ZFHX3: variants seen among roughly 807,000 people sequenced by gnomAD.
ZFHX3 encodes zinc finger homeobox 3.
ZFHX3 carries 42 observed loss-of-function variants against 279.1 expected under a neutral mutation model. The ratio of observed to expected loss-of-function variants is 0.15; its 90% CI spans 0.12 to 0.19. The LOEUF (loss-of-function observed/expected upper bound fraction) is 0.19. ZFHX3 is among the 10% of genes least tolerant of loss of function. The probability of loss-of-function intolerance (pLI) is 1.00; values close to 1 mark genes in which losing one functional copy is unlikely to be tolerated. For synonymous variants in ZFHX3, 2,293 were observed against 1,957.8 expected, an observed-to-expected ratio of 1.17 and a Z score of -4.52; for missense variants, 4,981 against 4,754.0, an observed-to-expected ratio of 1.05 and a Z score of -1.40.
rs751808414 is a variant in ZFHX3, at chr16:72,797,180, A to T, written c.5502T>A (p.Asp1834Glu). The change falls in exon 9 of 10, where the codon GAT (aspartate) becomes GAA (glutamate). Residue 1834 changes from aspartate (D) to glutamate (E), a missense_variant. Asp to Glu is a conservative substitution (Grantham distance 45). Transcript: ENST00000268489. ...GTGGGACCTGAACCTGAGCCTTCAG[A>T]TCTTCCAGCAGGCCTGGGCCTGTCC... ...LTGTGPGLLE[D>E]LKAQVQVPQQ... The T allele has an allele frequency of 1.1e-5, 18 of 1,613,772 alleles. No individual in the cohort carries two copies. The highest frequency in any genetic ancestry group is 1.5e-5 in the Non-Finnish European group (18 of 1,179,998).
At chr16:73,162,539 G>A (rs552437577) in intron 5 of ZFHX3, among the ~76,000 whole-genome samples, 2 of 152,246 alleles carry the variant, frequency 1.3e-5, no homozygotes, top group East Asian at 1.9e-4. Context: ...CTACGTGATG[G>A]TGAGCTGTAG....
At chr16:73,617,438 C>T (rs930186420) in intron 2 of ZFHX3, among the ~76,000 whole-genome samples, 5 of 152,152 alleles carry the variant, frequency 3.3e-5, no homozygotes, top group Non-Finnish European at 7.4e-5. Flanking sequence ...TATTTGTATA[C>T]TAAATAGGTA....
At position 73,404,511 on chromosome 16, in the gene ZFHX3, C is replaced by T. The variant is rs541026317; in HGVS notation, c.-1291+51492G>A. On this transcript the variant is annotated intron_variant, in intron 3 of 17. Coordinates refer to the ZFHX3 transcript ENST00000641206. Reference sequence around the variant, plus strand: ...ACAAGTCTAAGCAGCCGCAAAGAGACCGTTAAATCACATCACCTGCAGGTT... The same window carrying T: ...ACAAGTCTAAGCAGCCGCAAAGAGATCGTTAAATCACATCACCTGCAGGTT... Among the ~76,000 whole-genome samples, 3 of 152,270 alleles carry T rather than the reference C, an allele frequency of 2.0e-5. No homozygotes were observed. In the South Asian group the frequency reaches 6.2e-4, roughly 32 times the overall value.
At position 73,701,175 on chromosome 16, in the gene ZFHX3, G is replaced by A. The variant is rs536982698; in HGVS notation, c.-1607-20935C>T. Among the ~76,000 whole-genome samples, 376 of 152,142 alleles carry A rather than the reference G, an allele frequency of 2.5e-3. 4 individuals carry two copies. Among genetic ancestry groups the A allele is most frequent in the Non-Finnish European group, 1.5e-3 (99 of 67,990 alleles). ...GTCCACCTTCATGAGCATAAGCCTC[G>A]ACAATAAATAAGCAAAACAAAGTCA... On this transcript the variant is annotated intron_variant, in intron 1 of 17. Transcript: ENST00000641206.
In ZFHX3 at chr16:72,788,406, G is replaced by A. The variant is rs771966169; in HGVS notation, c.9870C>T (p.Ala3290=). The change falls in exon 10 of 10, where the codon GCC becomes GCT. Residue 3290 remains alanine (A), a synonymous_variant. Transcript: ENST00000268489. ...EYAVDPAQLQ[A]LQAALTSDPT... ...GGTCCGAAGTCAACGCGGCCTGCAG[G>A]GCCTGCAGCTGTGCAGGGTCTACCG... is the stretch of plus-strand genomic sequence containing the variant. 4.3e-6 allele frequency: 7 copies of A among 1,614,206 alleles called. No individual in the cohort carries two copies. In the South Asian group the frequency reaches 7.7e-5, roughly 18 times the overall value.
intron 5 of ZFHX3, among the ~76,000 whole-genome samples, chr16:73,204,600 C>G (rs1334139245): frequency 1.3e-5 from 2 of 152,184 alleles, no homozygotes; most frequent in East Asian, 3.9e-4. Context: ...TGCCACTCAC[C>G]TCCTGCTGTG....
chr16:73,724,234 G>A (rs528362879), intron 1 of ZFHX3, among the ~76,000 whole-genome samples: 18 of 152,278 alleles, frequency 1.2e-4, no homozygotes, highest in Admixed American at 2.6e-4. Context: ...GACAACTCCT[G>A]TGTGAGCTGC....
intron 2 of ZFHX3, among the ~76,000 whole-genome samples, chr16:73,598,606 G>T: frequency 6.6e-6 from 1 of 152,048 alleles, no homozygotes; most frequent in East Asian, 1.9e-4. Flanking sequence ...TTTTTGTAGA[G>T]TCAGAGTCTC....
rs534874671 is a variant in ZFHX3, at chr16:73,874,342, A to G, written c.-1608+17309T>C. On this transcript the variant is annotated intron_variant, in intron 1 of 17. Coordinates refer to the ZFHX3 transcript ENST00000641206. ...GGCAAAATTTGGGTCTGGTGGAAGA[A>G]TTCTTTGATGTCTGGATTCCAATTT... is the stretch of plus-strand genomic sequence containing the variant. Among the ~76,000 whole-genome samples, 260 of 152,316 alleles carry G rather than the reference A, an allele frequency of 1.7e-3. 2 individuals carry two copies. The highest frequency in any genetic ancestry group is 5.8e-3 in the African/African-American group (240 of 41,568).
chr16:73,055,250 GT>G (rs1044939265), intron 1 of ZFHX3, among the ~76,000 whole-genome samples: 2 of 151,898 alleles, frequency 1.3e-5, no homozygotes, highest in Non-Finnish European at 2.9e-5. Context: ...ACTCAATAGG[GT>G]TTTTTTCTCC....
Position 72,794,994 on chromosome 16 carries a change from G to C in ZFHX3, c.7688C>G (p.Pro2563Arg). The change falls in exon 9 of 10, where the codon CCC becomes CGC. Residue 2563 changes from proline to arginine, a missense_variant. Physicochemically the swap from Pro to Arg is moderately radical, Grantham distance 103. This residue lies in a region of ZFHX3 where 744 missense variants were observed against 701.3 expected (regional missense o/e 1.06). Coordinates refer to ENST00000268489, the MANE Select transcript of ZFHX3 (RefSeq NM_006885.4). This position sits in a 1 kb window ranked among gnomAD's most constrained non-coding sequence, Gnocchi z 4.2. The stretch of plus-strand genomic sequence containing the variant: ...ATCCAGGGACCTGTCCAAAAACTGG[G>C]GGTGGATGAACTGGTTCTGCGCGCT... ...FLSAQNQFIH[P>R]QFLDRSLDMP... is the part of the protein sequence containing the mutation. The C allele has an allele frequency of 1.2e-6, 2 of 1,614,176 alleles. No homozygotes were observed.
intron 3 of ZFHX3, among the ~76,000 whole-genome samples, chr16:73,375,958 G>A (rs2016715938): frequency 1.3e-5 from 2 of 152,104 alleles, no homozygotes; most frequent in African/African-American, 2.4e-5. Context: ...ATTTTGATTT[G>A]AAGGATAGCT....
At chr16:73,303,483 C>A (rs960424599) in intron 4 of ZFHX3, among the ~76,000 whole-genome samples, 1 of 152,160 alleles carries the variant, frequency 6.6e-6, no homozygotes, top group African/African-American at 2.4e-5. Flanking sequence ...AAACACCTCA[C>A]ACAAATAAGA....
intron 1 of ZFHX3, among the ~76,000 whole-genome samples, chr16:73,826,264 C>A (rs1396890990): frequency 3.0e-5 from 2 of 67,254 alleles, no homozygotes; most frequent in Admixed American, 2.0e-4. Flanking sequence ...TATCCTGAGA[C>A]TTTGCTGAAG....
chr16:73,011,478 C>T (rs534693866), intron 1 of ZFHX3, among the ~76,000 whole-genome samples: 16 of 151,750 alleles, frequency 1.1e-4, no homozygotes, highest in African/African-American at 2.7e-4. Flanking sequence ...CGTGGTGGCT[C>T]ATACCTGTAA....
At chr16:73,817,509 G>A (rs1310952014) in intron 1 of ZFHX3, among the ~76,000 whole-genome samples, 1 of 152,012 alleles carries the variant, frequency 6.6e-6, no homozygotes, top group African/African-American at 2.4e-5. Flanking sequence ...ACACCCTAAC[G>A]GCGAGTCTTA....
In ZFHX3 at chr16:73,728,812, TACACACAC is replaced by T. The variant is rs3049676; in HGVS notation, c.-1607-48580_-1607-48573del. ...TACCTTAATGCTAAGAATAACCCCC[TACACACAC>T]ACACACACACACACACACACACACA... is the stretch of plus-strand genomic sequence containing the variant. On this transcript the variant is annotated intron_variant, in intron 1 of 17. Coordinates refer to the ZFHX3 transcript ENST00000641206. Among the ~76,000 whole-genome samples, 841 of 146,142 alleles carry T rather than the reference TACACACAC, an allele frequency of 5.8e-3. 8 individuals are homozygous for T. Among genetic ancestry groups the T allele is most frequent in the African/African-American group, 0.019 (738 of 39,442 alleles).
intron 3 of ZFHX3, among the ~76,000 whole-genome samples, chr16:73,356,085 A>C (rs901204713): frequency 3.3e-5 from 5 of 152,226 alleles, no homozygotes; most frequent in African/African-American, 1.2e-4. Context: ...TTCAGAATTA[A>C]AGAAGAGATC....
chr16:73,314,981 A>G (rs1179770665), intron 4 of ZFHX3, among the ~76,000 whole-genome samples: 1 of 152,196 alleles, frequency 6.6e-6, no homozygotes, highest in Non-Finnish European at 1.5e-5. Flanking sequence ...TAATTCCAGC[A>G]CTTTGGGAGG....
Sources: gnomAD v4.1 joint callset for allele counts (sites outside exome capture counted in the v4.1 genomes callset) on GRCh38, gnomAD v4.1.1 for gene constraint, gnomAD v4.1.1 regional missense constraint, Gnocchi (gnomAD v3.1) non-coding constraint, MANE v1.5 for transcripts, NCBI Gene and HGNC (gene_info 2026-07-23, HGNC 2026-07-21) for gene names.